The following A2M variants were observed in gnomAD, a reference collection of about 807,000 sequenced individuals.
A2M encodes the protein alpha-2-macroglobulin, also known as C3 and PZP-like alpha-2-macroglobulin domain-containing protein 5.
In A2M, 128 loss-of-function variants were observed where a neutral mutation model predicts 183.9. The ratio of observed to expected loss-of-function variants is 0.70; its 90% CI spans 0.60 to 0.81. The LOEUF is 0.81. Ranked by LOEUF, A2M falls within the 30% of genes least tolerant of loss-of-function variation. The pLI is 0.00. For missense variants in A2M, 1,495 were observed against 1,787.6 expected (o/e 0.84, Z 2.95); for synonymous variants, 592 against 670.8 (o/e 0.88, Z 1.81).
At chr12:9,106,696 G>A in intron 8 of A2M, 91 bp from the exon 9 acceptor site, 3 of 602,602 alleles carry the variant, frequency 5.0e-6, no homozygotes, top group Non-Finnish European at 5.8e-6. Context: ...TTTGTGGGGG[G>A]ACAACATCAT....
chr12:9,074,087 T>TA (rs3080599), intron 29 of A2M, among the ~76,000 whole-genome samples: 27,569 of 131,106 alleles, frequency 0.21, 2,995 homozygotes, highest in Non-Finnish European at 0.24. Flanking sequence ...GACTCTGTCT[T>TA]AAAAAAAAAA....
chr12:9,093,616 TACAG>T, intron 17 of A2M, 37 bp from the exon 18 acceptor site: 2 of 1,189,508 alleles, frequency 1.7e-6, no homozygotes, highest in Non-Finnish European at 2.3e-6. Context: ...ACAATAAACA[TACAG>T]ATAAAGCTTA....
chr12:9,091,311 G>C lies in A2M; in HGVS notation c.2359C>G (p.Arg787Gly). 1 of 1,614,122 alleles carries C rather than the reference G, an allele frequency of 6.2e-7. No homozygotes were observed. The highest frequency in any genetic ancestry group is 8.5e-7 in the Non-Finnish European group (1 of 1,180,030). Residue 787 changes from arginine to glycine, a missense_variant, in exon 19 of 36, where the codon CGA becomes GGA. Transcript: ENST00000318602. ...TCCACAAAGAAGGGCTGGAAGGCTC[G>C]GAGAGAGGCAGTGGAAGAGATACCA... ...GLGISSTASL[R>G]AFQPFFVELT...
At chr12:9,077,667 T>G (rs769692376) in intron 26 of A2M, 34 bp downstream of exon 26, 7 of 1,608,766 alleles carry the variant, frequency 4.4e-6, no homozygotes, top group Non-Finnish European at 5.9e-6. Flanking sequence ...GATATCATAA[T>G]GGACAAATCA....
At chr12:9,093,829 G>GCTTGTAGTAA (rs1350943985) in intron 17 of A2M, among the ~76,000 whole-genome samples, 4 of 147,050 alleles carry the variant, frequency 2.7e-5, no homozygotes, top group African/African-American at 1.1e-4. Flanking sequence ...GAGAGGCCGA[G>GCTTGTAGTAA]GCCGAGACGG....
chr12:9,091,096 C>T, intron 19 of A2M, 105 bp downstream of exon 19: 3 of 1,328,472 alleles, frequency 2.3e-6, no homozygotes, highest in East Asian at 2.4e-5. Flanking sequence ...TCATGAATAT[C>T]TAGTAAGCAT....
chr12:9,091,292 A>G lies in A2M; in HGVS notation c.2378T>C (p.Phe793Ser), dbSNP rs778299098. The G allele has an allele frequency of 2.5e-5, 40 of 1,614,090 alleles. No homozygotes were observed. Among genetic ancestry groups the G allele is most frequent in the Non-Finnish European group, 3.3e-5 (39 of 1,180,046 alleles). The change falls in exon 19 of 36, where the codon TTT becomes TCT. Residue 793 changes from phenylalanine (F) to serine (S), a missense_variant. Phe to Ser is a radical substitution (Grantham distance 155). Coordinates refer to ENST00000318602, the MANE Select transcript of A2M (RefSeq NM_000014.6). The stretch of plus-strand genomic sequence containing the variant: ...AGAGTAAGGCATTGTGAGCTCCACA[A>G]AGAAGGGCTGGAAGGCTCGGAGAGA... ...TASLRAFQPF[F>S]VELTMPYSVI...
intron 17 of A2M, 52 bp downstream of exon 17, chr12:9,094,921 T>A: frequency 9.8e-7 from 1 of 1,023,646 alleles, no homozygotes; most frequent in East Asian, 2.9e-5. Flanking sequence ...TTAAAAAATT[T>A]AAAATTTGGT....
rs2137885994 is a variant in A2M, at chr12:9,101,562, T to C, written c.1379A>G (p.His460Arg). 1 of 1,613,952 alleles carries C rather than the reference T, an allele frequency of 6.2e-7. No individual in the cohort carries two copies. Reference protein sequence around the residue: ...LVFSPSKSFVHLEPMSHELPC... With the variant: ...LVFSPSKSFVRLEPMSHELPC... ...TAGTTCATGAGACATGGGCTCAAGG[T>C]GGACAAAGCTCTTGCTTGGGGAGAA... Residue 460 changes from histidine (H) to arginine (R), a missense_variant, in exon 12 of 36, where the codon CAC becomes CGC. By Grantham distance (29) the His-to-Arg change is conservative. Transcript: ENST00000318602.
intron 10 of A2M, 109 bp downstream of exon 10, chr12:9,106,127 T>C: frequency 1.6e-6 from 1 of 613,972 alleles, no homozygotes; most frequent in Non-Finnish European, 2.9e-6. Context: ...ATACTTTTGG[T>C]TATATTAAAT....
At chr12:9,096,952 A>G (rs1209330858) in intron 15 of A2M, among the ~76,000 whole-genome samples, 1 of 152,182 alleles carries the variant, frequency 6.6e-6, no homozygotes. Flanking sequence ...GACCTACACT[A>G]GTAGCAGCAA....
chr12:9,111,979 A>G, intron 4 of A2M, 180 bp downstream of exon 4: 1 of 772,790 alleles, frequency 1.3e-6, no homozygotes, highest in East Asian at 2.5e-5. Flanking sequence ...GACAGAAAGA[A>G]TTACCTACTT....
chr12:9,115,811 A>G lies in A2M; in HGVS notation c.39T>C (p.Leu13=), dbSNP rs1327087121. 1 of 1,613,518 alleles carries G rather than the reference A, an allele frequency of 6.2e-7. No individual in the cohort carries two copies. The highest frequency in any genetic ancestry group is 1.3e-5 in the African/African-American group (1 of 74,998). Residue 13 remains leucine, a synonymous_variant, in exon 1 of 36, where the codon CTT becomes CTC. Coordinates refer to ENST00000318602, the MANE Select transcript of A2M (RefSeq NM_000014.6). ...KNKLLHPSLV[L]LLLVLLPTDA... ...CTGTGGGCAGGAGGACCAAGAGGAGAAGAACCAGACTTGGATGAAGGAGTT... is the reference window on the plus strand; with the variant it reads ...CTGTGGGCAGGAGGACCAAGAGGAGGAGAACCAGACTTGGATGAAGGAGTT...
Position 9,101,533 on chromosome 12 carries a change from AG to A in A2M, c.1407del (p.Cys470ValfsTer13). ...GCCTGGACTGTCTGAGTATGGCCACAGGGTAGTTCATGAGACATGGGCTCAA... is the reference window on the plus strand; with the variant it reads ...GCCTGGACTGTCTGAGTATGGCCACAGGTAGTTCATGAGACATGGGCTCAA... ...VHLEPMSHELPCGHTQTVQAH... is the reference protein window; with the variant it reads ...VHLEPMSHELXCGHTQTVQAH... On this transcript the variant is annotated frameshift_variant, in exon 12 of 36. Transcript: ENST00000318602. LOFTEE classifies it high-confidence loss of function. 2 of 1,614,014 alleles carry A rather than the reference AG, an allele frequency of 1.2e-6. No homozygotes were observed. The highest frequency in any genetic ancestry group is 1.7e-6 in the Non-Finnish European group (2 of 1,179,886).
Position 9,110,343 on chromosome 12 carries a change from CA to C in A2M, c.484-10del, listed in dbSNP as rs1328558490. The C allele has an allele frequency of 6.4e-6, 9 of 1,410,364 alleles. No individual in the cohort carries two copies. The African/African-American group carries it at 1.3e-4, about 21-fold the overall frequency. 87.4% of individuals were successfully genotyped at this position (1,410,364 alleles called of 1,614,324 possible). On this transcript the variant is annotated splice_polypyrimidine_tract_variant and intron_variant, in intron 4 of 35. Transcript: ENST00000318602. ...ATGTATACTAGTGGAATCTGAAAGACAAAAGAAAAAAGAAGTTTATAATTAT... is the reference window on the plus strand; with the variant it reads ...ATGTATACTAGTGGAATCTGAAAGACAAAGAAAAAAGAAGTTTATAATTAT...
rs58537365 is a variant in A2M, at chr12:9,106,480, A to G, written c.994+11T>C. On this transcript the variant is annotated intron_variant, in intron 9 of 35. Coordinates refer to ENST00000318602, the MANE Select transcript of A2M (RefSeq NM_000014.6). Reference sequence around the variant, plus strand: ...GTTGTGTTTTCTCTTATACCCATGTAGTACACAAACCTGTTCCTTCTTCTT... The same window carrying G: ...GTTGTGTTTTCTCTTATACCCATGTGGTACACAAACCTGTTCCTTCTTCTT... 4 of 1,537,988 alleles carry G rather than the reference A, an allele frequency of 2.6e-6. No individual in the cohort carries two copies. In the East Asian group the frequency reaches 9.1e-5, roughly 35 times the overall value.
chr12:9,077,287 G>T, intron 27 of A2M, 59 bp downstream of exon 27: 1 of 1,452,520 alleles, frequency 6.9e-7, no homozygotes, highest in Non-Finnish European at 9.6e-7. Context: ...CAGACAGCAG[G>T]TCAGCAGTTT....
intron 5 of A2M, 129 bp downstream of exon 5, chr12:9,110,185 C>T (rs753169714): frequency 7.2e-6 from 8 of 1,117,572 alleles, no homozygotes; most frequent in Non-Finnish European, 8.9e-6. Context: ...AGCCATCTAG[C>T]TCTATGGGAG....
intron 33 of A2M, 108 bp from the exon 34 acceptor site, chr12:9,068,950 G>T (rs1948479272): frequency 5.8e-6 from 4 of 690,290 alleles, no homozygotes; most frequent in Middle Eastern, 2.5e-4. Context: ...TTATCCTACA[G>T]CACACTATAG....
Sources: allele counts gnomAD v4.1 joint callset (sites outside exome capture counted in the v4.1 genomes callset), GRCh38; gene constraint gnomAD v4.1.1; transcripts MANE v1.5; gene names NCBI Gene and HGNC (gene_info 2026-07-23, HGNC 2026-07-21).